GTF2F2: variants seen among roughly 807,000 people sequenced by gnomAD.
GTF2F2 encodes general transcription factor IIF subunit 2.
Under a neutral mutation model 42.2 loss-of-function variants are expected in GTF2F2, and 23 were observed. The ratio of observed to expected loss-of-function variants is 0.55; its 90% confidence interval spans 0.39 to 0.77. GTF2F2 has a LOEUF of 0.77. GTF2F2 is among the 30% of genes least tolerant of loss of function. GTF2F2 has a pLI of 0.00. For missense variants in GTF2F2, 261 were observed against 287.2 expected, an observed-to-expected ratio of 0.91 and a Z score of 0.66; for synonymous variants, 105 against 100.8, an observed-to-expected ratio of 1.04 and a Z score of -0.25.
At chr13:45,230,634 G>A (rs1451808922) in intron 5 of GTF2F2, among the ~76,000 whole-genome samples, 2 of 152,146 alleles carry the variant, frequency 1.3e-5, no homozygotes, top group Non-Finnish European at 2.9e-5. Context: ...ACTAAAACTA[G>A]TACTGCTTAT....
intron 4 of GTF2F2, among the ~76,000 whole-genome samples, chr13:45,168,228 G>T (rs1871397281): frequency 6.6e-6 from 1 of 152,208 alleles, no homozygotes. Flanking sequence ...TGCCCCAGGT[G>T]CTGTCAGTGT....
chr13:45,167,309 A>T (rs1318514927), intron 4 of GTF2F2, among the ~76,000 whole-genome samples: 1 of 145,530 alleles, frequency 6.9e-6, no homozygotes, highest in Non-Finnish European at 1.5e-5. Flanking sequence ...GTCTCGGCTC[A>T]CTGCAACCCC....
chr13:45,239,587 T>G (rs1875177066), intron 5 of GTF2F2, among the ~76,000 whole-genome samples: 1 of 152,234 alleles, frequency 6.6e-6, no homozygotes, highest in Non-Finnish European at 1.5e-5. Context: ...GCTTGTTGTT[T>G]CTAACAGAAA....
At chr13:45,144,650 C>A (rs1870105254) in intron 2 of GTF2F2, among the ~76,000 whole-genome samples, 1 of 151,646 alleles carries the variant, frequency 6.6e-6, no homozygotes, top group Admixed American at 6.6e-5. Context: ...ACTGTGTTAG[C>A]CAGGTTGGTC....
intron 1 of GTF2F2, among the ~76,000 whole-genome samples, chr13:45,128,972 A>G (rs555224306): frequency 1.3e-5 from 2 of 152,300 alleles, no homozygotes; most frequent in African/African-American, 4.8e-5. Flanking sequence ...GCCTTAATGT[A>G]TGATATATAG....
intron 4 of GTF2F2, among the ~76,000 whole-genome samples, chr13:45,191,224 A>AATATATATATATATATATATATATAT (rs1165963910): frequency 1.1e-4 from 8 of 75,292 alleles, no homozygotes; most frequent in African/African-American, 5.0e-4. Context: ...ACAAAAAAAA[A>AATATATATATATATATATATATATAT]ATATATATAT....
In GTF2F2 at chr13:45,151,833, T is replaced by A; in HGVS notation, c.304+2T>A. On this transcript the variant is annotated splice_donor_variant, in intron 4 of 7. Coordinates refer to ENST00000340473, the MANE Select transcript of GTF2F2 (RefSeq NM_004128.3). LOFTEE classifies it high-confidence loss of function. ...CAGTATTTACTGAGAGCTCATCAGG[T>A]AAGTGGGAATGGAATTATTTAATGT... 1 of 1,424,490 alleles carries A rather than the reference T, an allele frequency of 7.0e-7. No homozygotes were observed. The highest frequency in any genetic ancestry group is 9.4e-7 in the Non-Finnish European group (1 of 1,060,704). The allele number at this position is 1,424,490 out of a possible 1,614,324, so 88.2% of individuals were successfully genotyped here. A position where few individuals can be genotyped will look rare whatever the true frequency, so the allele number is the denominator to read the frequency against.
At chr13:45,203,213 A>G (rs1401241855) in intron 4 of GTF2F2, among the ~76,000 whole-genome samples, 1 of 150,818 alleles carries the variant, frequency 6.6e-6, no homozygotes, top group African/African-American at 2.4e-5. Context: ...AATAGCTAGG[A>G]CTACAGGCAT....
At chr13:45,209,430 T>G (rs1205450687) in intron 5 of GTF2F2, among the ~76,000 whole-genome samples, 1 of 152,222 alleles carries the variant, frequency 6.6e-6, no homozygotes, top group Non-Finnish European at 1.5e-5. Context: ...CATGACTGTA[T>G]TTTAATCTTT....
rs181409241 is a variant in GTF2F2 at position 45,243,569 on chromosome 13, T to G, written c.387-9302T>G. Among the ~76,000 whole-genome samples the G allele has an allele frequency of 1.2e-3, 189 of 152,370 alleles. 1 individual carries two copies. Among genetic ancestry groups the G allele is most frequent in the Middle Eastern group, 3.4e-3 (1 of 294 alleles). Reference sequence around the variant, plus strand: ...CCGATATGTTAAATCATCTCTTGATTACTTTACAATACCTAACACAATGTA... The same window carrying G: ...CCGATATGTTAAATCATCTCTTGATGACTTTACAATACCTAACACAATGTA... On this transcript the variant is annotated intron_variant, in intron 5 of 7. Transcript: ENST00000340473.
chr13:45,191,480 G>T (rs1872655877), intron 4 of GTF2F2, among the ~76,000 whole-genome samples: 1 of 151,572 alleles, frequency 6.6e-6, no homozygotes, highest in Non-Finnish European at 1.5e-5. Context: ...GAAATACTCT[G>T]AAAGCTTCAC....
chr13:45,280,914 A>G (rs1419791946), intron 7 of GTF2F2, among the ~76,000 whole-genome samples: 1 of 152,228 alleles, frequency 6.6e-6, no homozygotes, highest in Non-Finnish European at 1.5e-5. Flanking sequence ...TGTTTGTGCA[A>G]CATCGTCTTA....
At chr13:45,195,457 C>T (rs1478371316) in intron 4 of GTF2F2, among the ~76,000 whole-genome samples, 5 of 151,970 alleles carry the variant, frequency 3.3e-5, no homozygotes, top group Middle Eastern at 3.4e-3. Flanking sequence ...ATGTATATAC[C>T]GTAGGAAGAT....
intron 4 of GTF2F2, among the ~76,000 whole-genome samples, chr13:45,188,138 T>A (rs556197870): frequency 6.6e-6 from 1 of 152,302 alleles, no homozygotes; most frequent in East Asian, 1.9e-4. Flanking sequence ...ACTCCTGACC[T>A]CAAGTGATCC....
chr13:45,195,756 A>T (rs1171319341), intron 4 of GTF2F2, among the ~76,000 whole-genome samples: 9 of 152,168 alleles, frequency 5.9e-5, no homozygotes, highest in African/African-American at 2.2e-4. Flanking sequence ...TCCCCAGTAC[A>T]CTATTATTTG....
chr13:45,168,610 A>G (rs897057225), intron 4 of GTF2F2, among the ~76,000 whole-genome samples: 2 of 152,040 alleles, frequency 1.3e-5, no homozygotes, highest in Admixed American at 1.3e-4. Context: ...AACTACCTGA[A>G]CTTTATTTAT....
chr13:45,134,654 G>A (rs945306946), intron 1 of GTF2F2, among the ~76,000 whole-genome samples: 76 of 152,090 alleles, frequency 5.0e-4, no homozygotes, highest in Non-Finnish European at 1.0e-4. Flanking sequence ...AGAGTGTAGT[G>A]GAAGTTTTGT....
intron 4 of GTF2F2, among the ~76,000 whole-genome samples, chr13:45,168,266 G>A (rs9526043): frequency 0.35 from 53,940 of 152,134 alleles, 13,167 homozygotes; most frequent in African/African-American, 0.69. Flanking sequence ...AGGCCTTGCC[G>A]TTACTGTGCA....
At chr13:45,186,066 C>T (rs1408306495) in intron 4 of GTF2F2, among the ~76,000 whole-genome samples, 1 of 152,000 alleles carries the variant, frequency 6.6e-6, no homozygotes, top group Admixed American at 6.5e-5. Flanking sequence ...CCTCTGCCTC[C>T]TGGGTTCAAA....
Sources: gnomAD v4.1 joint callset for allele counts (sites outside exome capture counted in the v4.1 genomes callset) on GRCh38, gnomAD v4.1.1 for gene constraint, MANE v1.5 for transcripts, NCBI Gene and HGNC (gene_info 2026-07-23, HGNC 2026-07-21) for gene names.